DNAJC6: variants seen among roughly 807,000 people sequenced by gnomAD.
The protein encoded by DNAJC6 is auxilin.
A neutral mutation model predicts 110.0 loss-of-function variants in DNAJC6; 34 were observed. That is an observed-to-expected ratio of 0.31 (90% CI 0.24 to 0.41). The LOEUF (loss-of-function observed/expected upper bound fraction) is 0.41, where lower values mean the gene tolerates loss of function less well. Among genes scored for constraint, DNAJC6 ranks in the 10% least tolerant of loss-of-function variants. DNAJC6 has a pLI of 1.00. For missense variants in DNAJC6, 1,031 were observed against 1,207.8 expected (o/e 0.85, Z 2.17); for synonymous variants, 406 against 437.2 (o/e 0.93, Z 0.89).
chr1:65,346,919 C>T (rs1015744390), intron 1 of DNAJC6, among the ~76,000 whole-genome samples: 6 of 152,140 alleles, frequency 3.9e-5, no homozygotes, highest in African/African-American at 1.4e-4. Context: ...GCTCCACCAC[C>T]CCTGCCTGCC....
intron 1 of DNAJC6, chr1:65,278,885 GC>G: frequency 1.2e-6 from 1 of 849,098 alleles, no homozygotes; most frequent in Non-Finnish European, 1.4e-6. Flanking sequence ...TCTGGCATGC[GC>G]TAACATTGGA....
chr1:65,409,735 T>C (rs1480151163), intron 17 of DNAJC6, among the ~76,000 whole-genome samples: 2 of 152,162 alleles, frequency 1.3e-5, no homozygotes, highest in African/African-American at 4.8e-5. Flanking sequence ...GTCTTCCCCA[T>C]TGTCTCCCTC....
upstream of DNAJC6, among the ~76,000 whole-genome samples, chr1:65,306,971 TTTCTCTCTCTCTCTC>T (rs1645045675): frequency 9.3e-6 from 1 of 107,132 alleles, no homozygotes; most frequent in African/African-American, 3.8e-5. Context: ...TCTCAATCTG[TTTCTCTCTCTCTCTC>T]TCTCTCTCTC....
In DNAJC6 at chr1:65,385,786, C is replaced by T. The variant is rs1645866092; in HGVS notation, c.875C>T (p.Ser292Leu). The T allele has an allele frequency of 2.5e-6, 4 of 1,613,930 alleles. No individual in the cohort carries two copies. Among genetic ancestry groups the T allele is most frequent in the East Asian group, 2.2e-5 (1 of 44,890 alleles). The change falls in exon 7 of 19, where the codon TCG (serine) becomes TTG (leucine). Residue 292 changes from serine to leucine, a missense_variant. Transcript: ENST00000371069. ...RPHFKPLTIKSITVSPIPFFN... is the reference protein window; with the variant it reads ...RPHFKPLTIKLITVSPIPFFN... Reference sequence around the variant, plus strand: ...CACTTCAAGCCTCTCACAATTAAGTCGATCACTGTCAGTCCAATACCCTTT... The same window carrying T: ...CACTTCAAGCCTCTCACAATTAAGTTGATCACTGTCAGTCCAATACCCTTT...
intron 1 of DNAJC6, among the ~76,000 whole-genome samples, chr1:65,320,625 C>T (rs145422303): frequency 2.0e-5 from 3 of 152,284 alleles, no homozygotes; most frequent in African/African-American, 7.2e-5. Context: ...CTCCTGGCTG[C>T]CTACTATGTG....
chr1:65,275,165 C>A (rs1240954190), intron 1 of DNAJC6, among the ~76,000 whole-genome samples: 1 of 152,064 alleles, frequency 6.6e-6, no homozygotes, highest in African/African-American at 2.4e-5. Flanking sequence ...TTACCCTATT[C>A]ATTGCTTTTC....
chr1:65,379,637 T>A (rs535308252), intron 5 of DNAJC6, 113 bp downstream of exon 5: 1 of 1,406,904 alleles, frequency 7.1e-7, no homozygotes. Flanking sequence ...ACTGAGCCCA[T>A]ATTTAGGAAT....
chr1:65,384,207 A>C lies in DNAJC6; in HGVS notation c.681A>C (p.Ala227=). The C allele has an allele frequency of 6.5e-7, 1 of 1,529,294 alleles. No homozygotes were observed. 94.7% of individuals were successfully genotyped at this position (1,529,294 alleles called of 1,614,324 possible). The change falls in exon 6 of 19, where the codon GCA becomes GCC. Residue 227 remains alanine (A), a synonymous_variant. Transcript: ENST00000371069. ...CVVHCLDGRA[A]SSILVGAMFI... is the part of the protein sequence containing the mutation. ...TTCTTTGACAGGATGGACGGGCGGCATCATCAATTCTGGTTGGTGCTATGT... is the reference window on the plus strand; with the variant it reads ...TTCTTTGACAGGATGGACGGGCGGCCTCATCAATTCTGGTTGGTGCTATGT...
At chr1:65,314,097 A>G (rs1645126996) in intron 1 of DNAJC6, among the ~76,000 whole-genome samples, 1 of 152,160 alleles carries the variant, frequency 6.6e-6, no homozygotes, top group South Asian at 2.1e-4. Context: ...AAGAATAAGT[A>G]TAATGATAGG....
chr1:65,350,735 T>C (rs370288333), intron 1 of DNAJC6, among the ~76,000 whole-genome samples: 102 of 152,320 alleles, frequency 6.7e-4, no homozygotes, highest in African/African-American at 2.3e-3. Context: ...GTGTAGTCCT[T>C]ATTCCTAGTG....
At chr1:65,317,762 A>G (rs1213345266) in intron 1 of DNAJC6, among the ~76,000 whole-genome samples, 1 of 152,212 alleles carries the variant, frequency 6.6e-6, no homozygotes, top group Non-Finnish European at 1.5e-5. Flanking sequence ...TTAGAATTGG[A>G]GATATTTGAC....
At chr1:65,278,079 G>T (rs1387441144) in intron 1 of DNAJC6, among the ~76,000 whole-genome samples, 1 of 152,188 alleles carries the variant, frequency 6.6e-6, no homozygotes, top group Non-Finnish European at 1.5e-5. Context: ...GTGGGTACTT[G>T]GTTACAGTCT....
chr1:65,277,409 C>T (rs766235191), intron 1 of DNAJC6, among the ~76,000 whole-genome samples: 18 of 152,108 alleles, frequency 1.2e-4, no homozygotes, highest in Non-Finnish European at 1.3e-4. Context: ...TGTTTTAATA[C>T]TTTTGTGATT....
At chr1:65,339,386 C>T (rs1165937646) in intron 1 of DNAJC6, among the ~76,000 whole-genome samples, 1 of 152,182 alleles carries the variant, frequency 6.6e-6, no homozygotes, top group Non-Finnish European at 1.5e-5. Context: ...CACAATTAGC[C>T]TATTAATTGT....
intron 13 of DNAJC6, among the ~76,000 whole-genome samples, chr1:65,398,167 A>AG (rs912917109): frequency 3.0e-4 from 46 of 152,170 alleles, no homozygotes; most frequent in Non-Finnish European, 2.9e-4. Flanking sequence ...TGGAACTTTG[A>AG]GGGGGGGTCA....
chr1:65,283,856 G>T (rs1653927876), intron 1 of DNAJC6, among the ~76,000 whole-genome samples: 1 of 152,122 alleles, frequency 6.6e-6, no homozygotes, highest in Admixed American at 6.5e-5. Flanking sequence ...TGTGGTGGGT[G>T]TGTAGTGATA....
intron 4 of DNAJC6, among the ~76,000 whole-genome samples, chr1:65,369,423 T>C (rs569084262): frequency 6.6e-6 from 1 of 152,336 alleles, no homozygotes; most frequent in South Asian, 2.1e-4. Context: ...TACCTTTCAG[T>C]TCATGAGGAC....
rs66951816 is a variant in DNAJC6, at chr1:65,408,943, A to AT, written c.2634+170dup. ...AACTAGGTGGCTTATAAACAACAGGATTTTTTTTTTCTCATAGTTAATGAA... is the reference window on the plus strand; with the variant it reads ...AACTAGGTGGCTTATAAACAACAGGATTTTTTTTTTTCTCATAGTTAATGAA... On this transcript the variant is annotated intron_variant, in intron 17 of 18. Coordinates refer to ENST00000371069, the MANE Select transcript of DNAJC6 (RefSeq NM_001256864.2). Among the ~76,000 whole-genome samples the AT allele has an allele frequency of 0.4, 60,594 of 150,682 alleles. 12,714 individuals are homozygous for AT. The highest frequency in any genetic ancestry group is 0.74 in the East Asian group (3,778 of 5,112).
At chr1:65,265,950 G>A (rs1653308775) in intron 1 of DNAJC6, among the ~76,000 whole-genome samples, 1 of 152,218 alleles carries the variant, frequency 6.6e-6, no homozygotes, top group Admixed American at 6.5e-5. Flanking sequence ...CTTTCCGTGC[G>A]AGCCGCTGCG....
Sources: allele counts gnomAD v4.1 joint callset (sites outside exome capture counted in the v4.1 genomes callset), GRCh38; gene constraint gnomAD v4.1.1; transcripts MANE v1.5; gene names NCBI Gene and HGNC (gene_info 2026-07-23, HGNC 2026-07-21).